SNTG1: variants seen among roughly 807,000 people sequenced by gnomAD.
The protein encoded by SNTG1 is syntrophin gamma 1, also known as gamma-1-syntrophin.
Under a neutral mutation model 74.7 loss-of-function variants are expected in SNTG1, and 39 were observed. That is an observed-to-expected ratio of 0.52 (90% CI 0.40 to 0.68). SNTG1 has a LOEUF of 0.68. Ranked by LOEUF, SNTG1 falls within the 30% of genes least tolerant of loss-of-function variation. The probability of loss-of-function intolerance (pLI) is 0.00; values close to 1 mark genes in which losing one functional copy is unlikely to be tolerated. For missense variants in SNTG1, 685 were observed against 609.5 expected, an observed-to-expected ratio of 1.12 and a Z score of -1.30; for synonymous variants, 254 against 217.1, an observed-to-expected ratio of 1.17 and a Z score of -1.49.
intron 18 of SNTG1, among the ~76,000 whole-genome samples, chr8:50,784,999 A>T (rs2095670606): frequency 6.6e-6 from 1 of 152,140 alleles, no homozygotes; most frequent in South Asian, 2.1e-4. Context: ...TTATTGGGAG[A>T]TAAATAACAA....
At chr8:49,926,888 C>G (rs1037562775) in intron 1 of SNTG1, among the ~76,000 whole-genome samples, 1 of 151,970 alleles carries the variant, frequency 6.6e-6, no homozygotes, top group Non-Finnish European at 1.5e-5. Context: ...ACTTCAAGCC[C>G]AACAATAGGA....
At chr8:50,613,076 G>A (rs1413341326) in intron 13 of SNTG1, among the ~76,000 whole-genome samples, 2 of 152,160 alleles carry the variant, frequency 1.3e-5, no homozygotes, top group African/African-American at 2.4e-5. Flanking sequence ...AGAAGGAGAA[G>A]AGCATCTGTT....
chr8:50,330,072 G>A (rs376435950), intron 2 of SNTG1, among the ~76,000 whole-genome samples: 1 of 152,072 alleles, frequency 6.6e-6, no homozygotes, highest in African/African-American at 2.4e-5. Context: ...ATATGGTTTG[G>A]CTGTGTCCCC....
chr8:50,273,968 G>A (rs2087935537), intron 2 of SNTG1, among the ~76,000 whole-genome samples: 1 of 152,024 alleles, frequency 6.6e-6, no homozygotes, highest in Admixed American at 6.6e-5. Context: ...TATAGATTGT[G>A]CACCTACTTA....
At chr8:50,010,116 G>T (rs1815632624) in intron 1 of SNTG1, among the ~76,000 whole-genome samples, 1 of 152,050 alleles carries the variant, frequency 6.6e-6, no homozygotes, top group African/African-American at 2.4e-5. Context: ...TGTTTTAAAA[G>T]AAAGCCACTA....
intron 15 of SNTG1, among the ~76,000 whole-genome samples, chr8:50,690,903 C>A (rs1447055474): frequency 6.6e-6 from 1 of 152,058 alleles, no homozygotes; most frequent in East Asian, 1.9e-4. Flanking sequence ...GTAGGTCACT[C>A]AGGACTTGCT....
At position 50,099,636 on chromosome 8, in the gene SNTG1, A is replaced by G. The variant is rs553787429; in HGVS notation, c.-102-72925A>G. ...CAGTGTATGAGTTCCCATTCTCCAC[A>G]TTCTCACTAGCATTTGCTATCTTTT... is the stretch of plus-strand genomic sequence containing the variant. On this transcript the variant is annotated intron_variant, in intron 1 of 18. Coordinates refer to ENST00000642720, the MANE Select transcript of SNTG1 (RefSeq NM_018967.5). Among the ~76,000 whole-genome samples the G allele has an allele frequency of 1.4e-3, 217 of 152,228 alleles. 2 individuals are homozygous for G. Among genetic ancestry groups the G allele is most frequent in the African/African-American group, 5.0e-3 (208 of 41,564 alleles).
intron 15 of SNTG1, among the ~76,000 whole-genome samples, chr8:50,690,640 CA>C (rs2095373771): frequency 6.6e-6 from 1 of 152,138 alleles, no homozygotes; most frequent in Non-Finnish European, 1.5e-5. Context: ...TGGTCTTTTG[CA>C]TTTGCTAAGG....
chr8:50,063,456 A>T (rs1820644749), intron 1 of SNTG1, among the ~76,000 whole-genome samples: 1 of 152,240 alleles, frequency 6.6e-6, no homozygotes. Context: ...GTTAAATGTC[A>T]TCAGGCCATG....
intron 12 of SNTG1, among the ~76,000 whole-genome samples, chr8:50,574,044 T>G (rs2094563427): frequency 6.6e-6 from 1 of 152,038 alleles, no homozygotes; most frequent in Non-Finnish European, 1.5e-5. Flanking sequence ...AAATACTATT[T>G]TCAGTAATTA....
chr8:50,048,171 T>C (rs754759753), intron 1 of SNTG1, among the ~76,000 whole-genome samples: 164 of 152,262 alleles, frequency 1.1e-3, no homozygotes, highest in Non-Finnish European at 1.2e-3. Context: ...ATCAGGCAAA[T>C]TTATTAAATC....
intron 11 of SNTG1, among the ~76,000 whole-genome samples, chr8:50,549,599 T>C (rs2094411642): frequency 6.6e-6 from 1 of 152,124 alleles, no homozygotes; most frequent in Non-Finnish European, 1.5e-5. Context: ...ACTCTCAGGA[T>C]CAGAGAGAAA....
At chr8:50,041,549 C>T (rs1374167620) in intron 1 of SNTG1, among the ~76,000 whole-genome samples, 2 of 152,088 alleles carry the variant, frequency 1.3e-5, no homozygotes, top group Non-Finnish European at 2.9e-5. Flanking sequence ...GTAGAACTTA[C>T]GATTGTAAAT....
At chr8:50,711,710 G>C (rs950255736) in intron 17 of SNTG1, among the ~76,000 whole-genome samples, 4 of 152,116 alleles carry the variant, frequency 2.6e-5, no homozygotes, top group Non-Finnish European at 5.9e-5. Context: ...TGACTTGCCA[G>C]AGCATAAGAC....
At chr8:50,598,020 G>A (rs947919706) in intron 13 of SNTG1, among the ~76,000 whole-genome samples, 2 of 151,338 alleles carry the variant, frequency 1.3e-5, no homozygotes, top group Non-Finnish European at 3.0e-5. Flanking sequence ...ATGAGCAGAA[G>A]TTTTTTGTTT....
At chr8:50,450,086 A>G (rs911515122) in intron 6 of SNTG1, among the ~76,000 whole-genome samples, 11 of 152,228 alleles carry the variant, frequency 7.2e-5, no homozygotes, top group African/African-American at 2.7e-4. Flanking sequence ...CTCATTTGCA[A>G]TTTTACTCAG....
chr8:50,792,231 GT>G (rs1174707128), intron 18 of SNTG1, among the ~76,000 whole-genome samples: 1 of 151,630 alleles, frequency 6.6e-6, no homozygotes, highest in Non-Finnish European at 1.5e-5. Flanking sequence ...TTCTTATTCA[GT>G]TTCTTATGGC....
At chr8:50,069,285 G>C (rs1035680482) in intron 1 of SNTG1, among the ~76,000 whole-genome samples, 1 of 152,106 alleles carries the variant, frequency 6.6e-6, no homozygotes, top group Non-Finnish European at 1.5e-5. Flanking sequence ...GTATCATGTT[G>C]GTGGCCAGTT....
intron 2 of SNTG1, among the ~76,000 whole-genome samples, chr8:50,392,557 G>C (rs746160533): frequency 3.3e-5 from 5 of 152,162 alleles, no homozygotes; most frequent in Non-Finnish European, 7.4e-5. Context: ...GCTTTAGCAA[G>C]AGTAACTTCA....
Sources: allele counts gnomAD v4.1 joint callset (sites outside exome capture counted in the v4.1 genomes callset), GRCh38; gene constraint gnomAD v4.1.1; transcripts MANE v1.5; gene names NCBI Gene and HGNC (gene_info 2026-07-23, HGNC 2026-07-21).